Variants in GPR137B observed in about 807,000 individuals in gnomAD.
GPR137B encodes the protein integral membrane protein GPR137B.
GPR137B carries 42 observed loss-of-function variants against 42.5 expected under a neutral mutation model. The ratio of observed to expected loss-of-function variants is 0.99; its 90% CI spans 0.77 to 1.28. The LOEUF is 1.28. Among genes scored for constraint, GPR137B ranks in the 50% most tolerant of loss-of-function variants. The pLI is 0.00. For missense variants in GPR137B, 487 were observed against 493.9 expected (o/e 0.99, Z 0.13); for synonymous variants, 218 against 209.7 (o/e 1.04, Z -0.34).
intron 5 of GPR137B, among the ~76,000 whole-genome samples, chr1:236,202,876 G>C (rs551374785): frequency 1.3e-5 from 2 of 152,170 alleles, no homozygotes; most frequent in South Asian, 2.1e-4. Context: ...CATTTTTTTT[G>C]ATTTTTGTAT....
At position 236,178,480 on chromosome 1, in the gene GPR137B, T is replaced by C; in HGVS notation, c.531T>C (p.Ala177=). ...LVFLLVNLTC[A]VLVKTGNWER... ...TCCTGTTGGTGAATTTAACCTGTGC[T>C]GTGCTGGTAAAGACGGGAAATTGGG... is the stretch of plus-strand genomic sequence containing the variant. Residue 177 remains alanine, a synonymous_variant, in exon 3 of 7, where the codon GCT becomes GCC. Transcript: ENST00000366592. The C allele has an allele frequency of 1.2e-6, 2 of 1,614,036 alleles. No homozygotes were observed. The highest frequency in any genetic ancestry group is 1.7e-5 in the Admixed American group (1 of 60,012).
Position 236,150,245 on chromosome 1 carries a change from G to A in GPR137B, c.414+7209G>A, listed in dbSNP as rs1324907744. 3.4e-5 allele frequency among the ~76,000 whole-genome samples: 5 copies of A among 148,314 alleles called. No individual in the cohort carries two copies. Among genetic ancestry groups the A allele is most frequent in the Admixed American group, 1.3e-4 (2 of 14,850 alleles). On this transcript the variant is annotated intron_variant, in intron 1 of 6. Transcript: ENST00000366592. The surrounding 1 kb of genome is among the most constrained non-coding windows in gnomAD (Gnocchi z 6.2). ...TGTGTGCCTGTGTATGTCTGTGCCC[G>A]TGTGTGTGCCTGTGTTTGTGTGTGT...
At chr1:236,190,151 T>C (rs34888741) in intron 5 of GPR137B, among the ~76,000 whole-genome samples, 272 of 39,966 alleles carry the variant, frequency 6.8e-3, no homozygotes, top group East Asian at 0.065. Context: ...GCTTCTTCTT[T>C]TTTTTTTTTT....
chr1:236,199,786 T>G (rs1322236527), intron 5 of GPR137B, among the ~76,000 whole-genome samples: 1 of 152,052 alleles, frequency 6.6e-6, no homozygotes, highest in Non-Finnish European at 1.5e-5. Context: ...CAATTTTGTT[T>G]ATCTTTTCAA....
chr1:236,207,412 T>C (rs1546811), intron 6 of GPR137B: 5,448 of 303,568 alleles, frequency 0.018, 264 homozygotes, highest in African/African-American at 0.1. Context: ...GCATCTCCTA[T>C]TAGTTGCTTT....
In GPR137B at chr1:236,186,225, T is replaced by TATATATAATAATATAA. The variant is rs1558491305; in HGVS notation, c.966+2322_966+2323insTATAATAATATAAATA. Among the ~76,000 whole-genome samples, 5 of 42,362 alleles carry TATATATAATAATATAA rather than the reference T, an allele frequency of 1.2e-4. 1 individual carries two copies. The highest frequency in any genetic ancestry group is 7.1e-4 in the African/African-American group (5 of 7,088). The allele number at this position is 42,362 out of a possible 152,430, so 27.8% of individuals were successfully genotyped here. The stretch of plus-strand genomic sequence containing the variant: ...TTATTATACTATATATTATATATAA[T>TATATATAATAATATAA]ATAATATATAATAATATAAATAATA... On this transcript the variant is annotated intron_variant, in intron 5 of 6. Transcript: ENST00000366592.
chr1:236,170,460 C>T (rs906599405), intron 2 of GPR137B, among the ~76,000 whole-genome samples: 4 of 152,068 alleles, frequency 2.6e-5, no homozygotes, highest in South Asian at 4.1e-4. Flanking sequence ...CTCACCGTCC[C>T]GGGTTTTGTT....
Position 236,183,962 on chromosome 1 carries a change from C to A in GPR137B, c.966+56C>A, listed in dbSNP as rs537905884. Reference sequence around the variant, plus strand: ...ATGTCTCCTAATTCTGATCATGGAACCTGCAATTAGAACTTTTTCTTCATT... The same window carrying A: ...ATGTCTCCTAATTCTGATCATGGAAACTGCAATTAGAACTTTTTCTTCATT... On this transcript the variant is annotated intron_variant, in intron 5 of 6. Coordinates refer to ENST00000366592, the MANE Select transcript of GPR137B (RefSeq NM_003272.4). The A allele has an allele frequency of 3.1e-5, 38 of 1,240,818 alleles. 1 individual carries two copies. The highest frequency in any genetic ancestry group is 1.5e-4 in the East Asian group (6 of 41,120). 76.9% of individuals were successfully genotyped at this position (1,240,818 alleles called of 1,614,324 possible).
Position 236,142,656 on chromosome 1 carries a change from G to A in GPR137B, c.34G>A (p.Ala12Thr). The A allele has an allele frequency of 6.6e-7, 1 of 1,509,648 alleles. No individual in the cohort carries two copies. The highest frequency in any genetic ancestry group is 8.8e-7 in the Non-Finnish European group (1 of 1,136,180). 93.5% of individuals were successfully genotyped at this position (1,509,648 alleles called of 1,614,324 possible). A position where few individuals can be genotyped will look rare whatever the true frequency, so the allele number is the denominator to read the frequency against. Residue 12 changes from alanine (A) to threonine (T), a missense_variant, in exon 1 of 7, where the codon GCC (alanine) becomes ACC (threonine). Physicochemically the swap from Ala to Thr is moderately conservative, Grantham distance 58 (BLOSUM62 0). Coordinates refer to ENST00000366592, the MANE Select transcript of GPR137B (RefSeq NM_003272.4). ...CGAGCGTCCCCGGCCGCGCGGCAGC[G>A]CCCCCGGCCCGATGGAGACCCCGCC... Reference protein sequence around the residue: ...RPERPRPRGSAPGPMETPPWD... With the variant: ...RPERPRPRGSTPGPMETPPWD...
intron 5 of GPR137B, among the ~76,000 whole-genome samples, chr1:236,195,061 T>C (rs1017494321): frequency 6.6e-6 from 1 of 152,202 alleles, no homozygotes; most frequent in East Asian, 1.9e-4. Flanking sequence ...TTATTTCACA[T>C]CATGGAGAAT....
intron 5 of GPR137B, among the ~76,000 whole-genome samples, chr1:236,187,840 A>G (rs1663078648): frequency 1.3e-5 from 2 of 152,144 alleles, no homozygotes; most frequent in Non-Finnish European, 2.9e-5. Flanking sequence ...TATGAAGTTT[A>G]AAGTAGTTTT....
intron 1 of GPR137B, among the ~76,000 whole-genome samples, chr1:236,160,311 G>T (rs966200616): frequency 1.3e-5 from 2 of 152,080 alleles, no homozygotes; most frequent in African/African-American, 4.8e-5. Context: ...AAGGAAGTGG[G>T]GCTCATTTAC....
chr1:236,157,033 A>G (rs1387324999), intron 1 of GPR137B, among the ~76,000 whole-genome samples: 1 of 152,132 alleles, frequency 6.6e-6, no homozygotes, highest in Non-Finnish European at 1.5e-5. Context: ...GGCGGCAGGC[A>G]TTTGTCCAGG....
intron 5 of GPR137B, among the ~76,000 whole-genome samples, chr1:236,203,290 G>T (rs1343853349): frequency 3.3e-5 from 5 of 152,066 alleles, no homozygotes; most frequent in Non-Finnish European, 7.4e-5. Flanking sequence ...TGTTAGCCAG[G>T]ATGGTCTTGA....
At chr1:236,154,356 C>T (rs960326860) in intron 1 of GPR137B, among the ~76,000 whole-genome samples, 3 of 152,146 alleles carry the variant, frequency 2.0e-5, no homozygotes, top group Non-Finnish European at 2.9e-5. Flanking sequence ...CGGCCTGTCA[C>T]GGCTTTGACA....
At chr1:236,175,098 G>A (rs1042983686) in intron 2 of GPR137B, among the ~76,000 whole-genome samples, 1 of 152,108 alleles carries the variant, frequency 6.6e-6, no homozygotes, top group African/African-American at 2.4e-5. Flanking sequence ...AGGCCGAGAC[G>A]GGAGGATCAC....
chr1:236,168,424 GA>G (rs199657686), intron 1 of GPR137B, among the ~76,000 whole-genome samples: 4,076 of 85,518 alleles, frequency 0.048, 188 homozygotes, highest in African/African-American at 0.15. Context: ...ATTCTGTCTC[GA>G]AAAAAAAAAA....
At chr1:236,169,216 A>AGGTG (rs1208254310) in intron 2 of GPR137B, among the ~76,000 whole-genome samples, 1,556 of 131,394 alleles carry the variant, frequency 0.012, 26 homozygotes, top group African/African-American at 0.049. Context: ...AGGTGCAGGT[A>AGGTG]CAGGTACAGG....
At chr1:236,148,474 C>T (rs1661743128) in intron 1 of GPR137B, among the ~76,000 whole-genome samples, 1 of 152,202 alleles carries the variant, frequency 6.6e-6, no homozygotes, top group Non-Finnish European at 1.5e-5. Context: ...AAACTCCTGC[C>T]ATTGCAGTCA....
Sources: allele counts gnomAD v4.1 joint callset (sites outside exome capture counted in the v4.1 genomes callset), GRCh38; gene constraint gnomAD v4.1.1; non-coding constraint Gnocchi (gnomAD v3.1); transcripts MANE v1.5; gene names NCBI Gene and HGNC (gene_info 2026-07-23, HGNC 2026-07-21).